GAREM1: variants seen among roughly 807,000 people sequenced by gnomAD.
The protein encoded by GAREM1 is GRB2 associated regulator of MAPK1 subtype 1, also known as GRB2-associated and regulator of MAPK protein 1.
A neutral mutation model predicts 71.3 loss-of-function variants in GAREM1; 26 were observed. The ratio of observed to expected loss-of-function variants is 0.36; its 90% CI spans 0.27 to 0.51. GAREM1 has a LOEUF of 0.51. Ranked by LOEUF, GAREM1 falls within the 20% of genes least tolerant of loss-of-function variation. The probability of loss-of-function intolerance (pLI) is 0.95; values close to 1 mark genes in which losing one functional copy is unlikely to be tolerated. For missense variants in GAREM1, 1,026 were observed against 1,103.1 expected (o/e 0.93, Z 0.99); for synonymous variants, 440 against 433.2 (o/e 1.02, Z -0.20).
At position 32,390,383 on chromosome 18, in the gene GAREM1, T is replaced by A. The variant is rs550612686; in HGVS notation, c.262+2512A>T. Among the ~76,000 whole-genome samples, 148 of 152,206 alleles carry A rather than the reference T, an allele frequency of 9.7e-4. 1 individual carries two copies. Among genetic ancestry groups the A allele is most frequent in the Non-Finnish European group, 1.8e-3 (122 of 68,030 alleles). On this transcript the variant is annotated intron_variant, in intron 2 of 5. Transcript: ENST00000269209. ...TACCTAAACTTCTTGTTGAAAAAATTGAGGAAGACAGCTTAGAACATTCAG... is the reference window on the plus strand; with the variant it reads ...TACCTAAACTTCTTGTTGAAAAAATAGAGGAAGACAGCTTAGAACATTCAG...
chr18:32,350,368 G>C (rs369733702), intron 2 of GAREM1, among the ~76,000 whole-genome samples: 5 of 152,022 alleles, frequency 3.3e-5, no homozygotes, highest in African/African-American at 1.2e-4. Flanking sequence ...TAGATTTTTT[G>C]TTGGTTTCTT....
intron 2 of GAREM1, among the ~76,000 whole-genome samples, chr18:32,387,034 T>TAA (rs771568393): frequency 6.0e-5 from 4 of 67,054 alleles, no homozygotes; most frequent in Admixed American, 1.3e-4. Context: ...TTTTTTTTTT[T>TAA]AAAAAAAAAT....
chr18:32,343,515 G>A (rs79418481), intron 2 of GAREM1, among the ~76,000 whole-genome samples: 27 of 151,748 alleles, frequency 1.8e-4, no homozygotes, highest in Admixed American at 1.1e-3. Context: ...TGGCCAGACC[G>A]GTCTTGAACT....
At chr18:32,339,104 C>T (rs919351495) in intron 2 of GAREM1, among the ~76,000 whole-genome samples, 3 of 152,096 alleles carry the variant, frequency 2.0e-5, no homozygotes, top group African/African-American at 7.2e-5. Context: ...AGTAAATCTC[C>T]CTCCCTCTAT....
chr18:32,438,783 T>A (rs187416605), intron 1 of GAREM1, among the ~76,000 whole-genome samples: 16 of 152,310 alleles, frequency 1.1e-4, no homozygotes, highest in Non-Finnish European at 1.9e-4. Context: ...GATATAGGAC[T>A]GCTAAGAAAC....
intron 2 of GAREM1, among the ~76,000 whole-genome samples, chr18:32,364,014 ATATATATATATATGTTTTTTT>A (rs2047898202): frequency 2.0e-5 from 1 of 50,696 alleles, no homozygotes; most frequent in African/African-American, 1.2e-4. Context: ...ATATATATAT[ATATATATATATATGTTTTTTT>A]TTTTTTTTTT....
chr18:32,415,701 C>T (rs887953179), intron 1 of GAREM1, among the ~76,000 whole-genome samples: 4 of 152,018 alleles, frequency 2.6e-5, no homozygotes, highest in Admixed American at 1.3e-4. Flanking sequence ...CCTCAAAAAA[C>T]TGGGTATAGA....
chr18:32,411,149 G>C (rs1189429681), intron 1 of GAREM1, among the ~76,000 whole-genome samples: 1 of 152,144 alleles, frequency 6.6e-6, no homozygotes, highest in African/African-American at 2.4e-5. Flanking sequence ...TACCTTATTA[G>C]GCTGGCTCAG....
At chr18:32,350,179 T>C (rs866425599) in intron 2 of GAREM1, among the ~76,000 whole-genome samples, 52 of 152,232 alleles carry the variant, frequency 3.4e-4, no homozygotes, top group Admixed American at 1.1e-3. Context: ...ACTGCCCCCC[T>C]TTTTTTCCAG....
In GAREM1 at chr18:32,288,043, T is replaced by C. The variant is rs1467074436; in HGVS notation, c.554A>G (p.Asn185Ser). 8 of 1,614,060 alleles carry C rather than the reference T, an allele frequency of 5.0e-6. No homozygotes were observed. The highest frequency in any genetic ancestry group is 4.2e-6 in the Non-Finnish European group (5 of 1,180,050). The change falls in exon 4 of 6, where the codon AAT becomes AGT. Residue 185 changes from asparagine (N) to serine (S), a missense_variant. Physicochemically the swap from Asn to Ser is conservative, Grantham distance 46. This residue lies in a region of GAREM1 where 218 missense variants were observed against 296.8 expected (regional missense o/e 0.73). Coordinates refer to ENST00000269209, the MANE Select transcript of GAREM1 (RefSeq NM_001242409.2). ...GCCTTTTCCCAGCTTGCTGATGGAA[T>C]TGAGCTTCCCAATCTTTTTGAAGAT... The part of the protein sequence containing the change: ...NTIFKKIGKL[N>S]SISKLGKGKM...
chr18:32,468,536 G>C (rs2049018909), intron 1 of GAREM1, among the ~76,000 whole-genome samples: 1 of 152,214 alleles, frequency 6.6e-6, no homozygotes. Context: ...AAAGGACACA[G>C]TGTTAAGACT....
At position 32,286,978 on chromosome 18, in the gene GAREM1, T is replaced by C. The variant is rs192597225; in HGVS notation, c.1566+53A>G. 12,804 of 1,291,502 alleles carry C rather than the reference T, an allele frequency of 9.9e-3. 77 individuals carry two copies. Among genetic ancestry groups the C allele is most frequent in the Non-Finnish European group, 0.012 (11,194 of 904,664 alleles). The allele number at this position is 1,291,502 out of a possible 1,614,324, so 80.0% of individuals were successfully genotyped here. The stretch of plus-strand genomic sequence containing the variant: ...TTAAGAAAATAAATTAGTGGATGAC[T>C]GAGCAGAGAGACAGAAAGACTGGCA... On this transcript the variant is annotated intron_variant, in intron 4 of 5. Coordinates refer to ENST00000269209, the MANE Select transcript of GAREM1 (RefSeq NM_001242409.2).
At chr18:32,282,025 C>T (rs2046957257) in intron 4 of GAREM1, among the ~76,000 whole-genome samples, 1 of 152,024 alleles carries the variant, frequency 6.6e-6, no homozygotes, top group Admixed American at 6.6e-5. Context: ...CACCTTGCGA[C>T]CCCCACTCCT....
At chr18:32,281,520 A>G (rs1173850334) in intron 4 of GAREM1, among the ~76,000 whole-genome samples, 1 of 152,238 alleles carries the variant, frequency 6.6e-6, no homozygotes, top group Non-Finnish European at 1.5e-5. Context: ...CTGTGGGGCA[A>G]CCCTGTCTAA....
chr18:32,442,597 G>C (rs1392109294), intron 1 of GAREM1, among the ~76,000 whole-genome samples: 4 of 152,134 alleles, frequency 2.6e-5, no homozygotes, highest in African/African-American at 9.7e-5. Context: ...TTGAGGAAGA[G>C]AATATATTGT....
chr18:32,416,709 T>C (rs2048469882), intron 1 of GAREM1, among the ~76,000 whole-genome samples: 1 of 152,150 alleles, frequency 6.6e-6, no homozygotes, highest in Non-Finnish European at 1.5e-5. Context: ...TCTTGCCATA[T>C]ACAAAATTCA....
intron 1 of GAREM1, among the ~76,000 whole-genome samples, chr18:32,439,993 C>T (rs550438000): frequency 9.8e-5 from 15 of 152,288 alleles, no homozygotes; most frequent in South Asian, 2.1e-4. Context: ...TTAGGACCAG[C>T]GGGGGCACTC....
intron 2 of GAREM1, among the ~76,000 whole-genome samples, chr18:32,366,227 C>A (rs970629100): frequency 6.6e-6 from 1 of 152,164 alleles, no homozygotes; most frequent in Non-Finnish European, 1.5e-5. Flanking sequence ...GAACCCCTTT[C>A]TAAACAGTCC....
Position 32,470,212 on chromosome 18 carries a change from C to T in GAREM1, c.121+96G>A. 1 of 1,284,726 alleles carries T rather than the reference C, an allele frequency of 7.8e-7. No individual in the cohort carries two copies. The highest frequency in any genetic ancestry group is 9.9e-7 in the Non-Finnish European group (1 of 1,009,914). The allele number at this position is 1,284,726 out of a possible 1,614,324, so 79.6% of individuals were successfully genotyped here. On this transcript the variant is annotated intron_variant, in intron 1 of 5. Coordinates refer to ENST00000269209, the MANE Select transcript of GAREM1 (RefSeq NM_001242409.2). The surrounding 1 kb of genome is among the most constrained non-coding windows in gnomAD (Gnocchi z 4.4). ...CCGGCGCTCAGGGGCGGGCAGCCCA[C>T]TCCCCGCGGGTCCCACCCTCTCCAG... is the stretch of plus-strand genomic sequence containing the variant.
Sources: gnomAD v4.1 joint callset for allele counts (sites outside exome capture counted in the v4.1 genomes callset) on GRCh38, gnomAD v4.1.1 for gene constraint, gnomAD v4.1.1 regional missense constraint, Gnocchi (gnomAD v3.1) non-coding constraint, MANE v1.5 for transcripts, NCBI Gene and HGNC (gene_info 2026-07-23, HGNC 2026-07-21) for gene names.